LRP1B: variants seen among roughly 807,000 people sequenced by gnomAD.
LRP1B encodes the protein LDL receptor related protein 1B, also known as low-density lipoprotein receptor-related protein 1B.
Under a neutral mutation model 556.6 loss-of-function variants are expected in LRP1B, and 217 were observed. The ratio of observed to expected loss-of-function variants is 0.39; its 90% CI spans 0.35 to 0.44. The LOEUF is 0.44. LRP1B is among the 20% of genes least tolerant of loss of function. The pLI is 1.00. For synonymous variants in LRP1B, 2,047 were observed against 1,865.8 expected (o/e 1.10, Z -2.50); for missense variants, 5,053 against 5,620.8 (o/e 0.90, Z 3.23).
chr2:140,999,927 T>G (rs2105366799), intron 15 of LRP1B, among the ~76,000 whole-genome samples: 1 of 152,134 alleles, frequency 6.6e-6, no homozygotes, highest in Admixed American at 6.6e-5. Context: ...TTTATTTATT[T>G]TTGAGATGGG....
At chr2:140,779,096 A>G (rs1689597832) in intron 32 of LRP1B, among the ~76,000 whole-genome samples, 1 of 151,426 alleles carries the variant, frequency 6.6e-6, no homozygotes, top group Admixed American at 6.6e-5. Flanking sequence ...AGACTATAAA[A>G]TGGTCCTGCA....
chr2:141,973,967 C>T (rs2105081152), intron 1 of LRP1B, among the ~76,000 whole-genome samples: 1 of 151,994 alleles, frequency 6.6e-6, no homozygotes, highest in South Asian at 2.1e-4. Context: ...CTCACCCAGT[C>T]ATTCTGGACT....
intron 3 of LRP1B, among the ~76,000 whole-genome samples, chr2:141,414,800 G>C (rs1281396768): frequency 6.6e-6 from 1 of 152,136 alleles, no homozygotes; most frequent in Non-Finnish European, 1.5e-5. Context: ...CGTTGTTGTA[G>C]TTTATAACCA....
intron 2 of LRP1B, among the ~76,000 whole-genome samples, chr2:141,759,940 G>T (rs551553691): frequency 2.0e-5 from 3 of 152,234 alleles, no homozygotes; most frequent in Admixed American, 2.0e-4. Flanking sequence ...AGAGCAGCCT[G>T]GCCAACATGG....
chr2:141,440,037 A>G (rs991271041), intron 3 of LRP1B, among the ~76,000 whole-genome samples: 18 of 152,194 alleles, frequency 1.2e-4, no homozygotes, highest in African/African-American at 4.1e-4. Flanking sequence ...TCGACAACAC[A>G]TAACAGCAAC....
intron 3 of LRP1B, among the ~76,000 whole-genome samples, chr2:141,298,552 T>A (rs1473411412): frequency 6.6e-6 from 1 of 152,176 alleles, no homozygotes; most frequent in Non-Finnish European, 1.5e-5. Context: ...GCTGGGAGGC[T>A]CAGCATCATA....
rs1182190576 is a variant in LRP1B at position 140,683,255 on chromosome 2, G to A, written c.6799+16995C>T. The A allele has an allele frequency of 9.0e-6, 3 of 334,238 alleles. No homozygotes were observed. The East Asian group carries it at 2.8e-4, about 31-fold the overall frequency. The allele number at this position is 334,238 out of a possible 1,614,324, so 20.7% of individuals were successfully genotyped here. A position where few individuals can be genotyped will look rare whatever the true frequency, so the allele number is the denominator to read the frequency against. ...ACACTGGTCTGTGTATCCCAGATGA[G>A]GGATCACTGGGAATGTTTTCTCAGA... On this transcript the variant is annotated intron_variant, in intron 41 of 90. Coordinates refer to ENST00000389484, the MANE Select transcript of LRP1B (RefSeq NM_018557.3).
At chr2:140,729,156 C>T (rs920694822) in intron 35 of LRP1B, among the ~76,000 whole-genome samples, 1 of 151,812 alleles carries the variant, frequency 6.6e-6, no homozygotes, top group East Asian at 1.9e-4. Context: ...TTTAATTTAC[C>T]TCATCCAAAG....
At chr2:142,007,014 A>C (rs1702824888) in intron 1 of LRP1B, among the ~76,000 whole-genome samples, 3 of 152,202 alleles carry the variant, frequency 2.0e-5, no homozygotes, top group African/African-American at 7.2e-5. Flanking sequence ...CTTGTCAAAA[A>C]CAAACACAAT....
intron 1 of LRP1B, among the ~76,000 whole-genome samples, chr2:141,982,168 A>C (rs1220176549): frequency 1.3e-5 from 2 of 151,824 alleles, no homozygotes; most frequent in Non-Finnish European, 2.9e-5. Context: ...TAGCTAACTC[A>C]ATCCGTACAG....
At chr2:141,152,549 C>A (rs1701949781) in intron 7 of LRP1B, among the ~76,000 whole-genome samples, 2 of 151,826 alleles carry the variant, frequency 1.3e-5, no homozygotes, top group South Asian at 2.1e-4. Flanking sequence ...TTGCTAGACT[C>A]CCAATAACTG....
At chr2:141,777,968 T>C (rs567452376) in intron 2 of LRP1B, among the ~76,000 whole-genome samples, 5 of 152,338 alleles carry the variant, frequency 3.3e-5, no homozygotes, top group Non-Finnish European at 2.9e-5. Context: ...CTATGTATTC[T>C]ATTTGTATAG....
At chr2:140,855,493 G>GGAAAAAAAAAAAATAAA (rs570169727) in intron 27 of LRP1B, among the ~76,000 whole-genome samples, 1 of 99,370 alleles carries the variant, frequency 1.0e-5, no homozygotes. Context: ...TCTCTACTGG[G>GGAAAAAAAAAAAATAAA]AAAAAAAAAA....
At chr2:141,053,989 G>T (rs2105453628) in intron 10 of LRP1B, among the ~76,000 whole-genome samples, 1 of 152,002 alleles carries the variant, frequency 6.6e-6, no homozygotes, top group East Asian at 2.0e-4. Flanking sequence ...AGAAACATGA[G>T]ACCTGTTACC....
intron 66 of LRP1B, among the ~76,000 whole-genome samples, chr2:140,408,481 G>A (rs1193354099): frequency 1.3e-5 from 2 of 151,914 alleles, no homozygotes; most frequent in African/African-American, 2.4e-5. Context: ...GCTAAGTGGG[G>A]ATTCAGGAGA....
At chr2:142,031,333 T>TTTTTTTTTA (rs1703693197) in intron 1 of LRP1B, among the ~76,000 whole-genome samples, 1 of 133,370 alleles carries the variant, frequency 7.5e-6, no homozygotes, top group Non-Finnish European at 1.6e-5. Flanking sequence ...TATACTTATT[T>TTTTTTTTTA]TTTTTTTTTT....
intron 82 of LRP1B, among the ~76,000 whole-genome samples, chr2:140,318,680 G>C (rs1684639210): frequency 6.6e-6 from 1 of 152,070 alleles, no homozygotes; most frequent in Non-Finnish European, 1.5e-5. Flanking sequence ...TACTCTGGGT[G>C]ACACAGAGAT....
intron 13 of LRP1B, 99 bp from the exon 14 acceptor site, chr2:141,013,844 A>C: frequency 3.3e-6 from 2 of 602,588 alleles, no homozygotes; most frequent in Non-Finnish European, 5.3e-6. Context: ...AACAGATAAT[A>C]ATCTCATATC....
chr2:141,115,322 A>C (rs1034218906), intron 7 of LRP1B, among the ~76,000 whole-genome samples: 10 of 152,198 alleles, frequency 6.6e-5, no homozygotes, highest in Non-Finnish European at 1.3e-4. Context: ...ATAGGAATAG[A>C]CAAGGATTCA....
Sources: allele counts gnomAD v4.1 joint callset (sites outside exome capture counted in the v4.1 genomes callset), GRCh38; gene constraint gnomAD v4.1.1; transcripts MANE v1.5; gene names NCBI Gene and HGNC (gene_info 2026-07-23, HGNC 2026-07-21).